PRMT9: variants seen among roughly 807,000 people sequenced by gnomAD.
The protein encoded by PRMT9 is protein arginine methyltransferase 9, also known as protein arginine N-methyltransferase 9.
In PRMT9, 59 loss-of-function variants were observed where a neutral mutation model predicts 83.2. That is an observed-to-expected ratio of 0.71 (90% CI 0.57 to 0.88). The LOEUF (loss-of-function observed/expected upper bound fraction) is 0.88, where lower values mean the gene tolerates loss of function less well. Among genes scored for constraint, PRMT9 ranks in the 40% least tolerant of loss-of-function variants. PRMT9 has a pLI of 0.00. For synonymous variants in PRMT9, 333 were observed against 353.2 expected (o/e 0.94, Z 0.64); for missense variants, 947 against 1,021.9 (o/e 0.93, Z 1.00).
intron 7 of PRMT9, 64 bp from the exon 8 acceptor site, chr4:147,658,039 T>C: frequency 1.7e-6 from 2 of 1,147,242 alleles, no homozygotes; most frequent in Non-Finnish European, 2.6e-6. Context: ...CCTCAGTATC[T>C]TACCATTTTC....
In PRMT9 at chr4:147,654,006, C is replaced by A; in HGVS notation, c.1891G>T (p.Glu631Ter). ...LISEANHFPKETLEFWLRHVE... is the reference protein window; with the variant it reads ...LISEANHFPK The stretch of plus-strand genomic sequence containing the variant: ...TGTCTCAGCCAAAACTCAAGTGTTT[C>A]TTTAGGAAAGTGATTGGCTTCAGAT... Residue 631 changes from glutamate to a stop codon, truncating the protein, a stop_gained, in exon 9 of 12, where the codon GAA (glutamate) becomes TAA (stop). Coordinates refer to ENST00000322396, the MANE Select transcript of PRMT9 (RefSeq NM_138364.4). LOFTEE classifies it high-confidence loss of function. The A allele has an allele frequency of 6.2e-7, 1 of 1,614,204 alleles. No homozygotes were observed. Among genetic ancestry groups the A allele is most frequent in the Non-Finnish European group, 8.5e-7 (1 of 1,180,044 alleles).
rs775341687 is a variant in PRMT9 at position 147,654,387 on chromosome 4, C to T, written c.1510G>A (p.Ala504Thr). 17 of 1,614,030 alleles carry T rather than the reference C, an allele frequency of 1.1e-5. No homozygotes were observed. The highest frequency in any genetic ancestry group is 6.7e-5 in the African/African-American group (5 of 74,920). ...TCTGGTTTACTGGTCTGAAGGTTAG[C>T]GAGGGCACTACAAAGTTCAGCCTCA... ...GNEAELCSAL[A>T]NLQTSKPDAV... The change falls in exon 9 of 12, where the codon GCT becomes ACT. Residue 504 changes from alanine (A) to threonine (T), a missense_variant. Physicochemically the swap from Ala to Thr is moderately conservative, Grantham distance 58. Transcript: ENST00000322396.
intron 11 of PRMT9, 42 bp from the exon 12 acceptor site, chr4:147,638,789 A>G (rs746072069): frequency 5.4e-6 from 8 of 1,469,376 alleles, no homozygotes; most frequent in African/African-American, 1.4e-5. Context: ...GAGTGCATAG[A>G]GTAGACTTAG....
At chr4:147,648,772 A>AT (rs554940247) in intron 9 of PRMT9, among the ~76,000 whole-genome samples, 3 of 150,210 alleles carry the variant, frequency 2.0e-5, no homozygotes, top group East Asian at 2.0e-4. Context: ...TATGCTTGCA[A>AT]TTTTTTTTTT....
At chr4:147,683,731 T>TCTA in intron 1 of PRMT9, 68 bp downstream of exon 1, 3 of 1,280,144 alleles carry the variant, frequency 2.3e-6, no homozygotes, top group African/African-American at 1.6e-5. Context: ...TTTTTTTTTT[T>TCTA]TCTGTTTTTT....
chr4:147,669,618 G>C (rs967959923), intron 5 of PRMT9, among the ~76,000 whole-genome samples: 1 of 151,912 alleles, frequency 6.6e-6, no homozygotes, highest in African/African-American at 2.4e-5. Context: ...CACTTTGGGA[G>C]ACCAAGGCAG....
intron 10 of PRMT9, among the ~76,000 whole-genome samples, chr4:147,640,808 G>A (rs1733345019): frequency 6.6e-6 from 1 of 152,128 alleles, no homozygotes; most frequent in Non-Finnish European, 1.5e-5. Flanking sequence ...AGCAGCCTCA[G>A]CCTCTTGAGC....
At position 147,638,097 on chromosome 4, in the gene PRMT9, T is replaced by A. The variant is rs189133834; in HGVS notation, c.*435A>T. On this transcript the variant is annotated 3_prime_UTR_variant, in exon 12 of 12. Transcript: ENST00000322396. ...AGATGTTTCAGATGTACACTGAGTA[T>A]TTAAAGGAAGCAAGATTGGAATTTA... The A allele has an allele frequency of 2.1e-4, 43 of 204,014 alleles. No homozygotes were observed. Among genetic ancestry groups the A allele is most frequent in the Non-Finnish European group, 3.4e-4 (34 of 100,100 alleles). 12.6% of individuals were successfully genotyped at this position (204,014 alleles called of 1,614,324 possible).
intron 1 of PRMT9, among the ~76,000 whole-genome samples, chr4:147,681,515 G>T (rs568753706): frequency 6.6e-6 from 1 of 152,210 alleles, no homozygotes; most frequent in African/African-American, 2.4e-5. Context: ...GGCCGGGCAC[G>T]GTGGCTCATG....
chr4:147,645,423 G>C (rs1383360154), intron 9 of PRMT9, among the ~76,000 whole-genome samples: 1 of 152,064 alleles, frequency 6.6e-6, no homozygotes, highest in Non-Finnish European at 1.5e-5. Flanking sequence ...AATATTACTG[G>C]GGTAATGGAA....
At chr4:147,670,834 T>C (rs528689368) in intron 4 of PRMT9, 91 bp from the exon 5 acceptor site, 19 of 838,470 alleles carry the variant, frequency 2.3e-5, no homozygotes, top group Admixed American at 7.4e-5. Flanking sequence ...GAAGAGTATA[T>C]TATAGAAACA....
At chr4:147,669,603 C>G (rs1435016292) in intron 5 of PRMT9, among the ~76,000 whole-genome samples, 5 of 151,874 alleles carry the variant, frequency 3.3e-5, no homozygotes, top group African/African-American at 4.8e-5. Context: ...CACCTGCAAT[C>G]CCAGCACTTT....
chr4:147,669,062 G>C (rs1219755552), intron 5 of PRMT9, among the ~76,000 whole-genome samples: 1 of 151,986 alleles, frequency 6.6e-6, no homozygotes, highest in African/African-American at 2.4e-5. Context: ...CTCCAGCCTG[G>C]GCTACAGAGC....
At chr4:147,645,683 A>G (rs1316110574) in intron 9 of PRMT9, among the ~76,000 whole-genome samples, 1 of 152,226 alleles carries the variant, frequency 6.6e-6, no homozygotes, top group Non-Finnish European at 1.5e-5. Context: ...TCAAAATAAT[A>G]CATTTGAGGA....
At chr4:147,662,127 T>C (rs952714559) in intron 6 of PRMT9, among the ~76,000 whole-genome samples, 1 of 152,146 alleles carries the variant, frequency 6.6e-6, no homozygotes, top group Non-Finnish European at 1.5e-5. Flanking sequence ...TGATATAACC[T>C]AAACATCTAT....
intron 1 of PRMT9, among the ~76,000 whole-genome samples, chr4:147,682,044 C>T (rs1176308572): frequency 2.6e-5 from 4 of 152,286 alleles, no homozygotes; most frequent in South Asian, 2.1e-4. Context: ...CATACACTGT[C>T]GCCCAGGCTG....
intron 6 of PRMT9, among the ~76,000 whole-genome samples, chr4:147,661,997 C>G (rs1383085885): frequency 6.6e-6 from 1 of 152,028 alleles, no homozygotes; most frequent in Admixed American, 6.6e-5. Flanking sequence ...ATGTAGGAAC[C>G]TCACAGTGTT....
chr4:147,678,325 TTAAC>T (rs143249292), intron 2 of PRMT9, among the ~76,000 whole-genome samples: 1,760 of 152,328 alleles, frequency 0.012, 38 homozygotes, highest in African/African-American at 0.04. Flanking sequence ...TAAAATGAGA[TTAAC>T]TAAATTCCTA....
rs754390577 is a variant in PRMT9, at chr4:147,639,101, T to A, written c.2200-19A>T. 4 of 1,612,472 alleles carry A rather than the reference T, an allele frequency of 2.5e-6. No individual in the cohort carries two copies. The highest frequency in any genetic ancestry group is 3.4e-6 in the Non-Finnish European group (4 of 1,178,934). On this transcript the variant is annotated intron_variant, in intron 10 of 11. Transcript: ENST00000322396. Reference sequence around the variant, plus strand: ...TAGGTACCTAGAGAAAGTATAAATTTTTCACTTTCACTTTTTCTTTTTGTG... The same window carrying A: ...TAGGTACCTAGAGAAAGTATAAATTATTCACTTTCACTTTTTCTTTTTGTG...
Sources: allele counts gnomAD v4.1 joint callset (sites outside exome capture counted in the v4.1 genomes callset), GRCh38; gene constraint gnomAD v4.1.1; transcripts MANE v1.5; gene names NCBI Gene and HGNC (gene_info 2026-07-23, HGNC 2026-07-21).